SLC25A21: variants seen among roughly 807,000 people sequenced by gnomAD.
The protein encoded by SLC25A21 is mitochondrial 2-oxodicarboxylate carrier.
SLC25A21 carries 47 observed loss-of-function variants against 43.8 expected under a neutral mutation model. The ratio of observed to expected loss-of-function variants is 1.07; its 90% CI spans 0.85 to 1.37. The LOEUF (loss-of-function observed/expected upper bound fraction) is 1.37, where lower values mean the gene tolerates loss of function less well. SLC25A21 is among the 40% of genes most tolerant of loss of function. SLC25A21 has a pLI of 0.00. For synonymous variants in SLC25A21, 131 were observed against 121.3 expected, an observed-to-expected ratio of 1.08 and a Z score of -0.52; for missense variants, 352 against 350.2, an observed-to-expected ratio of 1.00 and a Z score of -0.04.
rs1020113735 is a variant in SLC25A21, at chr14:36,696,246, T to C, written c.604-11321A>G. Among the ~76,000 whole-genome samples the C allele has an allele frequency of 1.7e-4, 26 of 152,206 alleles. 1 individual carries two copies. Among genetic ancestry groups the C allele is most frequent in the African/African-American group, 5.8e-4 (24 of 41,458 alleles). ...CATATGTTGAACCAGCCTTGCATCC[T>C]AGGGATGAAGCTGACTTGATCATGG... On this transcript the variant is annotated intron_variant, in intron 7 of 9. Transcript: ENST00000331299.
At chr14:36,822,321 T>C (rs987112050) in intron 2 of SLC25A21, among the ~76,000 whole-genome samples, 1 of 152,232 alleles carries the variant, frequency 6.6e-6, no homozygotes, top group Non-Finnish European at 1.5e-5. Flanking sequence ...TACTCATACA[T>C]ATTTGGCTGC....
At chr14:36,911,771 T>A (rs1891692819) in intron 1 of SLC25A21, among the ~76,000 whole-genome samples, 1 of 152,110 alleles carries the variant, frequency 6.6e-6, no homozygotes, top group Admixed American at 6.5e-5. Flanking sequence ...ATAACCCACA[T>A]GAGCCCAGGC....
At chr14:37,049,793 C>G (rs998230177) in intron 1 of SLC25A21, among the ~76,000 whole-genome samples, 2 of 152,060 alleles carry the variant, frequency 1.3e-5, no homozygotes, top group African/African-American at 4.8e-5. Context: ...ATTATCACTT[C>G]AACAACTATT....
intron 3 of SLC25A21, among the ~76,000 whole-genome samples, chr14:36,796,158 A>C (rs965703751): frequency 1.3e-5 from 2 of 152,198 alleles, no homozygotes; most frequent in African/African-American, 4.8e-5. Flanking sequence ...TAGGAAGAGA[A>C]TGAAAATGCC....
chr14:36,760,439 T>G lies in SLC25A21; in HGVS notation c.204-25866A>C, dbSNP rs1739612. ...CTGGAGTAGAGAGATAGTAATTTTT[T>G]TATTGCTCTGTCTTAGGTAGGCAAG... On this transcript the variant is annotated intron_variant, in intron 3 of 9. Transcript: ENST00000331299. Among the ~76,000 whole-genome samples, 462 of 152,140 alleles carry G rather than the reference T, an allele frequency of 3.0e-3. 1 individual carries two copies. Among genetic ancestry groups the G allele is most frequent in the Non-Finnish European group, 5.2e-3 (352 of 67,984 alleles).
At chr14:37,023,185 G>C (rs1298324319) in intron 1 of SLC25A21, among the ~76,000 whole-genome samples, 1 of 151,934 alleles carries the variant, frequency 6.6e-6, no homozygotes, top group Non-Finnish European at 1.5e-5. Flanking sequence ...TGCTGTAACT[G>C]GTTTTCTGGA....
Position 36,680,580 on chromosome 14 carries a change from G to T in SLC25A21, c.*78C>A. 2.0e-6 allele frequency: 3 copies of T among 1,518,790 alleles called. No individual in the cohort carries two copies. The highest frequency in any genetic ancestry group is 1.4e-5 in the African/African-American group (1 of 71,192). The allele number at this position is 1,518,790 out of a possible 1,614,324, so 94.1% of individuals were successfully genotyped here. A position where few individuals can be genotyped will look rare whatever the true frequency, so the allele number is the denominator to read the frequency against. On this transcript the variant is annotated 3_prime_UTR_variant, in exon 10 of 10. Coordinates refer to ENST00000331299, the MANE Select transcript of SLC25A21 (RefSeq NM_030631.4). ...CTCCTTCATAATTATACACCTGGCC[G>T]ATCGATAGTCTCTCTTCTTCATGGT...
intron 5 of SLC25A21, among the ~76,000 whole-genome samples, chr14:36,727,960 A>G (rs1010901098): frequency 6.6e-6 from 1 of 152,148 alleles, no homozygotes; most frequent in Non-Finnish European, 1.5e-5. Flanking sequence ...TACTCTATGC[A>G]ATCTTCCAAG....
chr14:36,763,114 T>C (rs1232752519), intron 3 of SLC25A21, among the ~76,000 whole-genome samples: 1 of 152,170 alleles, frequency 6.6e-6, no homozygotes, highest in African/African-American at 2.4e-5. Flanking sequence ...AAGAGTTGTT[T>C]TATAAAACAA....
intron 1 of SLC25A21, among the ~76,000 whole-genome samples, chr14:36,936,534 G>A (rs530741784): frequency 1.3e-5 from 2 of 152,244 alleles, no homozygotes; most frequent in South Asian, 2.1e-4. Flanking sequence ...AATGTAAAGC[G>A]AGAACTAAAC....
intron 1 of SLC25A21, among the ~76,000 whole-genome samples, chr14:37,121,753 C>A (rs899663018): frequency 1.3e-5 from 2 of 152,070 alleles, no homozygotes; most frequent in Non-Finnish European, 2.9e-5. Flanking sequence ...CGCGCCACTG[C>A]ACTCCAGCCT....
At chr14:36,745,384 G>A (rs1489403169) in intron 3 of SLC25A21, among the ~76,000 whole-genome samples, 1 of 152,064 alleles carries the variant, frequency 6.6e-6, no homozygotes, top group Non-Finnish European at 1.5e-5. Flanking sequence ...GGGTCAAATG[G>A]TATTTCTTAT....
At chr14:36,713,990 G>A (rs910376922) in intron 6 of SLC25A21, among the ~76,000 whole-genome samples, 1 of 151,966 alleles carries the variant, frequency 6.6e-6, no homozygotes, top group Non-Finnish European at 1.5e-5. Flanking sequence ...GGATGACAGA[G>A]TGAAAGCAAG....
At chr14:37,090,894 C>T (rs561050832) in intron 1 of SLC25A21, among the ~76,000 whole-genome samples, 5 of 152,322 alleles carry the variant, frequency 3.3e-5, no homozygotes, top group African/African-American at 1.2e-4. Flanking sequence ...GCATTAGCCA[C>T]CACTGAACCC....
chr14:37,099,931 A>T (rs1471686346), intron 1 of SLC25A21, among the ~76,000 whole-genome samples: 4 of 151,976 alleles, frequency 2.6e-5, no homozygotes, highest in Admixed American at 6.6e-5. Context: ...AACAAATGGT[A>T]CTCCAACTTC....
intron 1 of SLC25A21, among the ~76,000 whole-genome samples, chr14:36,940,205 T>C (rs1030637125): frequency 6.6e-6 from 1 of 152,234 alleles, no homozygotes; most frequent in East Asian, 1.9e-4. Flanking sequence ...TACTTTTCCA[T>C]ATAACTAAGC....
At chr14:37,125,971 T>C (rs773348421) in intron 1 of SLC25A21, among the ~76,000 whole-genome samples, 2 of 152,204 alleles carry the variant, frequency 1.3e-5, no homozygotes, top group Non-Finnish European at 2.9e-5. Flanking sequence ...CTGAATGATA[T>C]AATAATTTTC....
chr14:36,806,390 T>C (rs1888041691), intron 3 of SLC25A21, among the ~76,000 whole-genome samples: 1 of 152,126 alleles, frequency 6.6e-6, no homozygotes, highest in Non-Finnish European at 1.5e-5. Context: ...ATGTTTCTAA[T>C]ACAAGAAATG....
At chr14:37,007,005 A>G (rs1960619003) in intron 1 of SLC25A21, among the ~76,000 whole-genome samples, 1 of 152,214 alleles carries the variant, frequency 6.6e-6, no homozygotes, top group Admixed American at 6.5e-5. Flanking sequence ...TTTTTCTACA[A>G]TATCAATTAA....
Sources: allele counts gnomAD v4.1 joint callset (sites outside exome capture counted in the v4.1 genomes callset), GRCh38; gene constraint gnomAD v4.1.1; transcripts MANE v1.5; gene names NCBI Gene and HGNC (gene_info 2026-07-23, HGNC 2026-07-21).